The following BTAF1 variants were observed in gnomAD, a reference collection of about 807,000 sequenced individuals.
BTAF1 encodes B-TFIID TATA-box binding protein associated factor 1.
Under a neutral mutation model 227.1 loss-of-function variants are expected in BTAF1, and 38 were observed. That is an observed-to-expected ratio of 0.17 (90% CI 0.13 to 0.22). BTAF1 has a LOEUF of 0.22. Among genes scored for constraint, BTAF1 ranks in the 10% least tolerant of loss-of-function variants. The pLI is 1.00. For synonymous variants in BTAF1, 742 were observed against 751.9 expected, an observed-to-expected ratio of 0.99 and a Z score of 0.21; for missense variants, 1,598 against 2,204.0, an observed-to-expected ratio of 0.73 and a Z score of 5.51.
chr10:91,956,679 G>A (rs746391597), intron 7 of BTAF1, 22 bp downstream of exon 7: 20 of 1,602,042 alleles, frequency 1.2e-5, no homozygotes, highest in Admixed American at 6.9e-5. Flanking sequence ...AGACTCTAAA[G>A]TATCCATTAA....
At chr10:92,008,089 G>A (rs202005951) in intron 25 of BTAF1, 34 bp from the exon 26 acceptor site, 38 of 1,530,718 alleles carry the variant, frequency 2.5e-5, no homozygotes, top group East Asian at 2.2e-4. Context: ...CTGTGAGTAC[G>A]TAGTTTTTAA....
At chr10:91,975,902 C>T (rs1847646358) in intron 14 of BTAF1, among the ~76,000 whole-genome samples, 1 of 152,168 alleles carries the variant, frequency 6.6e-6, no homozygotes, top group Non-Finnish European at 1.5e-5. Context: ...TTTCCTTACA[C>T]CAACCAATTA....
chr10:92,021,012 C>T (rs906106649), intron 34 of BTAF1, among the ~76,000 whole-genome samples: 2 of 152,240 alleles, frequency 1.3e-5, no homozygotes, highest in Non-Finnish European at 2.9e-5. Context: ...GCTGTCCTCA[C>T]GGAAGACTTT....
chr10:92,026,798 A>G (rs1590012011), intron 36 of BTAF1, 47 bp downstream of exon 36: 1 of 1,568,996 alleles, frequency 6.4e-7, no homozygotes, highest in Non-Finnish European at 8.7e-7. Context: ...GCATGAAAAT[A>G]TACTCCCCCA....
At chr10:91,956,063 A>T (rs1846064948) in intron 6 of BTAF1, among the ~76,000 whole-genome samples, 1 of 152,312 alleles carries the variant, frequency 6.6e-6, no homozygotes, top group Non-Finnish European at 1.5e-5. Flanking sequence ...AATTTTCTAT[A>T]TCCTTTTTTC....
At chr10:91,981,958 C>A in intron 16 of BTAF1, 125 bp from the exon 17 acceptor site, 3 of 1,348,926 alleles carry the variant, frequency 2.2e-6, no homozygotes, top group African/African-American at 1.5e-5. Flanking sequence ...TAATGTTTAT[C>A]CATTAAAATT....
chr10:92,018,960 ATG>A, intron 34 of BTAF1, 25 bp downstream of exon 34: 1 of 1,489,428 alleles, frequency 6.7e-7, no homozygotes, highest in Non-Finnish European at 9.0e-7. Flanking sequence ...TAAGTGTTAA[ATG>A]TGTGTTGTAC....
chr10:91,955,554 A>C (rs1846035262), intron 6 of BTAF1, among the ~76,000 whole-genome samples: 1 of 152,222 alleles, frequency 6.6e-6, no homozygotes, highest in South Asian at 2.1e-4. Flanking sequence ...AATTTTAGAT[A>C]GGAAGGTCTA....
rs762009723 is a variant in BTAF1, at chr10:91,982,058, G to GT, written c.1906-16dup. On this transcript the variant is annotated intron_variant, in intron 16 of 37. Coordinates refer to ENST00000265990, the MANE Select transcript of BTAF1 (RefSeq NM_003972.3). ...TCAGTTTTAATGGTTAATCTTTATT[G>GT]TTTTTTTTTCCCCTCCCTCTGTAGG... The GT allele has an allele frequency of 5.5e-4, 852 of 1,562,992 alleles. 1 individual carries two copies. The highest frequency in any genetic ancestry group is 1.7e-3 in the Admixed American group (96 of 55,206).
chr10:92,004,704 C>G (rs750120355), intron 25 of BTAF1, among the ~76,000 whole-genome samples: 13 of 152,256 alleles, frequency 8.5e-5, no homozygotes, highest in Admixed American at 2.6e-4. Flanking sequence ...CTCCTGGGCT[C>G]AAGCAGTCCT....
At position 92,029,974 on chromosome 10, in the gene BTAF1, G is replaced by A. The variant is rs1033458214; in HGVS notation, c.*1041G>A. The A allele has an allele frequency of 2.0e-5, 3 of 152,652 alleles. No homozygotes were observed. The highest frequency in any genetic ancestry group is 1.9e-4 in the East Asian group (1 of 5,188). The allele number at this position is 152,652 out of a possible 1,614,324, so 9.5% of individuals were successfully genotyped here. ...TGGGCATGAGGCTGATTACTCAATGGTGAGGGTAGGTATATGTAGATAGAT... is the reference window on the plus strand; with the variant it reads ...TGGGCATGAGGCTGATTACTCAATGATGAGGGTAGGTATATGTAGATAGAT... On this transcript the variant is annotated 3_prime_UTR_variant, in exon 38 of 38. Transcript: ENST00000265990.
intron 4 of BTAF1, 124 bp downstream of exon 4, chr10:91,942,692 T>C: frequency 1.8e-6 from 2 of 1,130,016 alleles, no homozygotes; most frequent in Non-Finnish European, 2.5e-6. Flanking sequence ...AACTGAAGTT[T>C]GCAGGTGGCG....
At chr10:91,982,997 T>C (rs1848170273) in intron 18 of BTAF1, among the ~76,000 whole-genome samples, 1 of 152,194 alleles carries the variant, frequency 6.6e-6, no homozygotes, top group African/African-American at 2.4e-5. Context: ...ATACTTAATA[T>C]TTGCTGTTGA....
chr10:91,982,438 G>A, intron 17 of BTAF1, 149 bp from the exon 18 acceptor site: 3 of 1,074,470 alleles, frequency 2.8e-6, no homozygotes, highest in Non-Finnish European at 3.9e-6. Context: ...AGACAAGATA[G>A]TCATTATACC....
chr10:92,028,731 AC>A (rs1851696201), intron 37 of BTAF1, 58 bp from the exon 38 acceptor site: 1 of 1,482,958 alleles, frequency 6.7e-7, no homozygotes, highest in Non-Finnish European at 9.1e-7. Flanking sequence ...AAAGGAAAAT[AC>A]AATTTGTGAA....
rs559136098 is a variant in BTAF1, at chr10:91,969,217, G to A, written c.1650+2460G>A. 1.1e-4 allele frequency among the ~76,000 whole-genome samples: 17 copies of A among 151,666 alleles called. No homozygotes were observed. The East Asian group carries it at 3.3e-3, about 29-fold the overall frequency. On this transcript the variant is annotated intron_variant, in intron 14 of 37. Transcript: ENST00000265990. ...CTTTTATTCCTTATTAGGTGATCAA[G>A]CCACCTGCAGGCTATTTTTAACTTG...
At chr10:91,962,495 T>C in intron 11 of BTAF1, 43 bp from the exon 12 acceptor site, 8 of 1,384,474 alleles carry the variant, frequency 5.8e-6, no homozygotes, top group Non-Finnish European at 6.9e-6. Flanking sequence ...GCACAGTAAC[T>C]GTAGAATAGA....
chr10:92,003,874 C>T (rs2062243748), intron 25 of BTAF1, among the ~76,000 whole-genome samples: 3 of 152,154 alleles, frequency 2.0e-5, no homozygotes, highest in Non-Finnish European at 4.4e-5. Flanking sequence ...CAACAATACG[C>T]AAGGGTTCCT....
chr10:91,985,581 G>T (rs1377865185), intron 19 of BTAF1, among the ~76,000 whole-genome samples: 1 of 152,070 alleles, frequency 6.6e-6, no homozygotes, highest in Non-Finnish European at 1.5e-5. Context: ...CAAAGAGATT[G>T]TATCATTTTA....
Sources: gnomAD v4.1 joint callset for allele counts (sites outside exome capture counted in the v4.1 genomes callset) on GRCh38, gnomAD v4.1.1 for gene constraint, MANE v1.5 for transcripts, NCBI Gene and HGNC (gene_info 2026-07-23, HGNC 2026-07-21) for gene names.